HECTD4: variants seen among roughly 807,000 people sequenced by gnomAD.
The protein encoded by HECTD4 is HECT domain E3 ubiquitin protein ligase 4, also known as probable E3 ubiquitin-protein ligase HECTD4.
Under a neutral mutation model 471.5 loss-of-function variants are expected in HECTD4, and 114 were observed. The observed-to-expected ratio is 0.24, with a 90% CI of 0.21 to 0.28. HECTD4 has a LOEUF of 0.28. Among genes scored for constraint, HECTD4 ranks in the 10% least tolerant of loss-of-function variants. HECTD4 has a pLI of 1.00. For synonymous variants in HECTD4, 2,012 were observed against 2,256.0 expected (o/e 0.89, Z 3.07); for missense variants, 3,866 against 5,651.5 (o/e 0.68, Z 10.13).
At chr12:112,342,074 G>A (rs1415894020) in intron 1 of HECTD4, among the ~76,000 whole-genome samples, 1 of 152,116 alleles carries the variant, frequency 6.6e-6, no homozygotes, top group Admixed American at 6.6e-5. Flanking sequence ...TATTGTTGAA[G>A]GCTAACTATT....
chr12:112,244,428 G>A (rs1318345350), intron 29 of HECTD4, among the ~76,000 whole-genome samples: 1 of 152,122 alleles, frequency 6.6e-6, no homozygotes, highest in Non-Finnish European at 1.5e-5. Context: ...CAGTGCAGTG[G>A]TGTGATCTCA....
In HECTD4 at chr12:112,178,920, G is replaced by A. The variant is rs763503154; in HGVS notation, c.11363+11C>T. ...ACAGGCTGGGCTGCCCAGGCTCCTT[G>A]GGGCACGCACCTGACGCTGTTGAGC... On this transcript the variant is annotated intron_variant, in intron 64 of 75. Coordinates refer to ENST00000682272, the MANE Select transcript of HECTD4 (RefSeq NM_001388303.1). The A allele has an allele frequency of 2.5e-6, 4 of 1,599,882 alleles. No individual in the cohort carries two copies. The highest frequency in any genetic ancestry group is 2.2e-5 in the East Asian group (1 of 44,586).
rs2032493057 is a variant in HECTD4, at chr12:112,203,616, C to G, written c.8406+20G>C. The G allele has an allele frequency of 6.2e-7, 1 of 1,605,116 alleles. No homozygotes were observed. Among genetic ancestry groups the G allele is most frequent in the Admixed American group, 1.7e-5 (1 of 59,038 alleles). ...AGTATATATAAAATAGCTTATTAAT[C>G]AGAATGGCTGTTCACTCACTGAATC... On this transcript the variant is annotated intron_variant, in intron 54 of 75. Transcript: ENST00000682272.
intron 1 of HECTD4, among the ~76,000 whole-genome samples, chr12:112,357,520 A>G (rs2036363601): frequency 6.6e-6 from 1 of 152,192 alleles, no homozygotes; most frequent in African/African-American, 2.4e-5. Flanking sequence ...GAAAACAAAC[A>G]AACAAACTAC....
Position 112,243,561 on chromosome 12 carries a change from C to T in HECTD4, c.4792-42G>A, listed in dbSNP as rs771171204. 14 of 1,599,598 alleles carry T rather than the reference C, an allele frequency of 8.8e-6. No homozygotes were observed. The highest frequency in any genetic ancestry group is 6.7e-5 in the South Asian group (6 of 89,048). On this transcript the variant is annotated intron_variant, in intron 31 of 75. Transcript: ENST00000682272. The surrounding 1 kb of genome is among the most constrained non-coding windows in gnomAD (Gnocchi z 6.6). ...GGGACACCTGACTCCTGCTAACTGC[C>T]GCAAGACCCCGCATGCTGTTAGGTG...
At chr12:112,324,708 C>A (rs1321994948) in intron 1 of HECTD4, among the ~76,000 whole-genome samples, 1 of 152,054 alleles carries the variant, frequency 6.6e-6, no homozygotes, top group Non-Finnish European at 1.5e-5. Flanking sequence ...AATCAGTAAC[C>A]AGCCTCCACT....
chr12:112,372,359 A>C (rs2036694946), intron 1 of HECTD4, among the ~76,000 whole-genome samples: 1 of 152,062 alleles, frequency 6.6e-6, no homozygotes. Context: ...TCCTGGGTTC[A>C]CGCCGTTCTC....
At chr12:112,300,362 C>T (rs1459334987) in intron 7 of HECTD4, among the ~76,000 whole-genome samples, 1 of 151,674 alleles carries the variant, frequency 6.6e-6, no homozygotes, top group Non-Finnish European at 1.5e-5. Context: ...CAATTTCCCT[C>T]AGAATTCTGA....
In HECTD4 at chr12:112,163,483, C is replaced by T; in HGVS notation, c.12897+59G>A. ...TGCCTGCTGCTGGAGTTGAGGGTGA[C>T]AGGGAGGCACGCCTGGGGCTCACCA... On this transcript the variant is annotated intron_variant, in intron 74 of 75. Transcript: ENST00000682272. This position sits in a 1 kb window ranked among gnomAD's most constrained non-coding sequence, Gnocchi z 8.2. 1 of 1,392,326 alleles carries T rather than the reference C, an allele frequency of 7.2e-7. No homozygotes were observed. Among genetic ancestry groups the T allele is most frequent in the Non-Finnish European group, 9.5e-7 (1 of 1,047,536 alleles). The allele number at this position is 1,392,326 out of a possible 1,614,324, so 86.2% of individuals were successfully genotyped here. A position where few individuals can be genotyped will look rare whatever the true frequency, so the allele number is the denominator to read the frequency against.
chr12:112,269,136 G>A (rs1394160581), intron 13 of HECTD4, among the ~76,000 whole-genome samples: 1 of 152,004 alleles, frequency 6.6e-6, no homozygotes, highest in Non-Finnish European at 1.5e-5. Context: ...GCCTCCCAAA[G>A]TGCTGGGATT....
chr12:112,337,455 C>T (rs1434447767), intron 1 of HECTD4, among the ~76,000 whole-genome samples: 4 of 152,100 alleles, frequency 2.6e-5, no homozygotes, highest in Admixed American at 2.6e-4. Flanking sequence ...AAACTCTTAC[C>T]AATCTATGTT....
intron 68 of HECTD4, chr12:112,170,766 T>C (rs1325708615): frequency 6.6e-6 from 3 of 455,964 alleles, no homozygotes; most frequent in South Asian, 3.6e-5. Flanking sequence ...TCTGTTTATA[T>C]GTCAAGAGAA....
rs2030805591 is a variant in HECTD4, at chr12:112,163,779, A to C, written c.12702-42T>G. On this transcript the variant is annotated intron_variant, in intron 73 of 75. Coordinates refer to ENST00000682272, the MANE Select transcript of HECTD4 (RefSeq NM_001388303.1). This position sits in a 1 kb window ranked among gnomAD's most constrained non-coding sequence, Gnocchi z 8.2. ...CACAGGTGAGGGAGAACACCGCCGA[A>C]GAGGCTGGGTCTGGGGGCCACACCC... 7.1e-7 allele frequency: 1 copy of C among 1,413,716 alleles called. No individual in the cohort carries two copies. Among genetic ancestry groups the C allele is most frequent in the Non-Finnish European group, 9.3e-7 (1 of 1,077,508 alleles). 87.6% of individuals were successfully genotyped at this position (1,413,716 alleles called of 1,614,324 possible). A position where few individuals can be genotyped will look rare whatever the true frequency, so the allele number is the denominator to read the frequency against.
intron 44 of HECTD4, among the ~76,000 whole-genome samples, chr12:112,221,503 T>A (rs1157332195): frequency 6.6e-6 from 1 of 152,198 alleles, no homozygotes; most frequent in Non-Finnish European, 1.5e-5. Context: ...CCTCTCAAAG[T>A]GCTGGGATTA....
intron 1 of HECTD4, among the ~76,000 whole-genome samples, chr12:112,336,322 G>C (rs886904591): frequency 2.0e-5 from 3 of 152,088 alleles, no homozygotes. Flanking sequence ...GGGAGATCAA[G>C]ACCATTCTGG....
chr12:112,381,985 G>A lies in HECTD4; in HGVS notation c.144C>T (p.Leu48=). 1 of 1,224,904 alleles carries A rather than the reference G, an allele frequency of 8.2e-7. No homozygotes were observed. Among genetic ancestry groups the A allele is most frequent in the East Asian group, 3.2e-5 (1 of 31,242 alleles). The allele number at this position is 1,224,904 out of a possible 1,614,324, so 75.9% of individuals were successfully genotyped here. Residue 48 remains leucine, a synonymous_variant, in exon 1 of 76, where the codon CTC becomes CTT. Transcript: ENST00000682272. This position sits in a 1 kb window ranked among gnomAD's most constrained non-coding sequence, Gnocchi z 4.1. ...CGGTGTCCGCGGCCTCTGGGGCCCCGAGGATCTCGCTGGGCAGCTCGGCCA... is the reference window on the plus strand; with the variant it reads ...CGGTGTCCGCGGCCTCTGGGGCCCCAAGGATCTCGCTGGGCAGCTCGGCCA... ...TDLAELPSEI[L]GAPEAADTDL... is the part of the protein sequence containing the mutation.
chr12:112,295,839 A>G (rs577319961), intron 7 of HECTD4, among the ~76,000 whole-genome samples: 1 of 148,400 alleles, frequency 6.7e-6, no homozygotes, highest in Non-Finnish European at 1.5e-5. Context: ...ACACACACAC[A>G]CACATAGTGA....
intron 1 of HECTD4, among the ~76,000 whole-genome samples, chr12:112,340,472 T>TGGCATCTGGCAAG (rs1427083066): frequency 6.6e-6 from 1 of 152,158 alleles, no homozygotes; most frequent in Non-Finnish European, 1.5e-5. Flanking sequence ...AGGGAGAAAC[T>TGGCATCTGGCAAG]GTCTTCCAGG....
intron 10 of HECTD4, 149 bp downstream of exon 10, chr12:112,274,698 C>G (rs767156626): frequency 5.4e-5 from 33 of 606,234 alleles, no homozygotes; most frequent in Admixed American, 1.4e-4. Context: ...CAGAAGAGAC[C>G]CTGTCTCAAA....
Sources: gnomAD v4.1 joint callset for allele counts (sites outside exome capture counted in the v4.1 genomes callset) on GRCh38, gnomAD v4.1.1 for gene constraint, Gnocchi (gnomAD v3.1) non-coding constraint, MANE v1.5 for transcripts, NCBI Gene and HGNC (gene_info 2026-07-23, HGNC 2026-07-21) for gene names.